The following GHR variants were observed in gnomAD, a reference collection of about 807,000 sequenced individuals.
The protein encoded by GHR is GH receptor.
In GHR, 35 loss-of-function variants were observed where a neutral mutation model predicts 67.1. That is an observed-to-expected ratio of 0.52 (90% CI 0.40 to 0.69). GHR has a LOEUF of 0.69. GHR is among the 30% of genes least tolerant of loss of function. The pLI, the probability that GHR is intolerant of heterozygous loss-of-function variation, is 0.00. For missense variants in GHR, 792 were observed against 764.6 expected, an observed-to-expected ratio of 1.04 and a Z score of -0.42; for synonymous variants, 272 against 269.1, an observed-to-expected ratio of 1.01 and a Z score of -0.10.
chr5:42,608,205 TAAACAATA>T (rs1752720225), intron 2 of GHR, among the ~76,000 whole-genome samples: 1 of 152,216 alleles, frequency 6.6e-6, no homozygotes, highest in Admixed American at 6.5e-5. Context: ...AAATTCTTCT[TAAACAATA>T]AAACAATATA....
intron 1 of GHR, among the ~76,000 whole-genome samples, chr5:42,507,503 C>T (rs780169307): frequency 1.3e-5 from 2 of 152,146 alleles, no homozygotes; most frequent in African/African-American, 4.8e-5. Context: ...TACTCAAGTG[C>T]GATTGTAAAA....
intron 2 of GHR, among the ~76,000 whole-genome samples, chr5:42,627,789 C>T (rs914703819): frequency 2.0e-5 from 3 of 152,238 alleles, no homozygotes; most frequent in Admixed American, 6.5e-5. Context: ...TTGCAGTCCA[C>T]GGACAGCTTG....
rs139776800 is a variant in GHR at position 42,529,981 on chromosome 5, A to G, written c.-11-35883A>G. Among the ~76,000 whole-genome samples the G allele has an allele frequency of 1.5e-3, 232 of 150,484 alleles. 5 individuals are homozygous for G. Among genetic ancestry groups the G allele is most frequent in the East Asian group, 1.2e-3 (6 of 5,120 alleles). On this transcript the variant is annotated intron_variant, in intron 1 of 9. Transcript: ENST00000230882. ...GGGAATAGGAAATGAAAGAGAGTAA[A>G]TCAGAAGTGAATCACTTCTTTTTTT...
intron 1 of GHR, among the ~76,000 whole-genome samples, chr5:42,425,903 AG>A (rs1742833171): frequency 1.3e-5 from 2 of 152,338 alleles, no homozygotes; most frequent in Admixed American, 1.3e-4. Flanking sequence ...TAATGGGCAA[AG>A]GTGTGAAATG....
chr5:42,568,488 CTGATTGTA>C (rs1750081512), intron 2 of GHR, among the ~76,000 whole-genome samples: 1 of 152,154 alleles, frequency 6.6e-6, no homozygotes, highest in African/African-American at 2.4e-5. Flanking sequence ...GACCTATCAA[CTGATTGTA>C]TCAAAATTGC....
chr5:42,495,343 G>C (rs1746276553), intron 1 of GHR, among the ~76,000 whole-genome samples: 1 of 152,042 alleles, frequency 6.6e-6, no homozygotes, highest in Non-Finnish European at 1.5e-5. Context: ...GGTCTGAAGA[G>C]TGAATGTAAC....
intron 2 of GHR, among the ~76,000 whole-genome samples, chr5:42,621,504 A>C (rs1753443011): frequency 6.6e-6 from 1 of 152,172 alleles, no homozygotes; most frequent in Admixed American, 6.6e-5. Flanking sequence ...AAATATGTGA[A>C]GCTTGAAGTT....
rs1758573096 is a variant in GHR at position 42,713,501 on chromosome 5, T to C, written c.857T>C (p.Leu286Ser). 3.5e-6 allele frequency: 5 copies of C among 1,435,166 alleles called. No individual in the cohort carries two copies. Among genetic ancestry groups the C allele is most frequent in the Non-Finnish European group, 3.9e-6 (4 of 1,021,698 alleles). 88.9% of individuals were successfully genotyped at this position (1,435,166 alleles called of 1,614,324 possible). The change falls in exon 8 of 10, where the codon TTA becomes TCA. Residue 286 changes from leucine (L) to serine (S), a missense_variant. By Grantham distance (145) the Leu-to-Ser change is moderately radical. Coordinates refer to ENST00000230882, the MANE Select transcript of GHR (RefSeq NM_000163.5). ...CTAACAGTGATGCTATTTGTATTCT[T>C]ATTTTCTAAACAGCAAAGGTAGGTG... ...FGLTVMLFVF[L>S]FSKQQRIKML... is the part of the protein sequence containing the mutation.
intron 1 of GHR, among the ~76,000 whole-genome samples, chr5:42,520,639 ACT>A (rs1491135637): frequency 3.3e-5 from 5 of 152,158 alleles, no homozygotes; most frequent in Non-Finnish European, 5.9e-5. Context: ...AAGAATGGGT[ACT>A]TTTTTTGTCC....
At chr5:42,642,225 C>A (rs1754513164) in intron 3 of GHR, among the ~76,000 whole-genome samples, 1 of 152,118 alleles carries the variant, frequency 6.6e-6, no homozygotes, top group South Asian at 2.1e-4. Context: ...CTTGTTCAGG[C>A]TGCAGAATGA....
At chr5:42,467,194 G>C in intron 1 of GHR, 3 of 1,581,020 alleles carry the variant, frequency 1.9e-6, no homozygotes, top group Admixed American at 3.4e-5. Flanking sequence ...CTGACTGAAG[G>C]CTTGCCCACA....
At chr5:42,608,447 G>A (rs1752733602) in intron 2 of GHR, among the ~76,000 whole-genome samples, 1 of 151,764 alleles carries the variant, frequency 6.6e-6, no homozygotes, top group African/African-American at 2.4e-5. Flanking sequence ...TAATGAAATA[G>A]CATAGAATGA....
intron 5 of GHR, among the ~76,000 whole-genome samples, chr5:42,696,309 G>A (rs1200167340): frequency 6.6e-6 from 1 of 152,196 alleles, no homozygotes; most frequent in Non-Finnish European, 1.5e-5. Flanking sequence ...AGCGTGATAG[G>A]TGTTAGCCTG....
At chr5:42,670,646 A>T (rs921558976) in intron 3 of GHR, among the ~76,000 whole-genome samples, 1 of 151,940 alleles carries the variant, frequency 6.6e-6, no homozygotes, top group Non-Finnish European at 1.5e-5. Flanking sequence ...ATATTCCAAA[A>T]GGTACAAGGA....
chr5:42,673,847 A>G (rs147275847), intron 3 of GHR, among the ~76,000 whole-genome samples: 1,666 of 152,268 alleles, frequency 0.011, 26 homozygotes, highest in African/African-American at 0.039. Context: ...GATGGGATCA[A>G]TCATACCCCA....
At chr5:42,647,874 G>A (rs1754822476) in intron 3 of GHR, 1 of 247,602 alleles carries the variant, frequency 4.0e-6, no homozygotes, top group Non-Finnish European at 8.1e-6. Flanking sequence ...CACTGGTCCA[G>A]TGGTTCTAGA....
chr5:42,507,915 G>T (rs986104846), intron 1 of GHR, among the ~76,000 whole-genome samples: 4 of 152,214 alleles, frequency 2.6e-5, no homozygotes, highest in African/African-American at 9.6e-5. Context: ...AGCCTGGAGA[G>T]TCAGCCCGCA....
At chr5:42,705,556 A>C (rs914136855) in intron 6 of GHR, among the ~76,000 whole-genome samples, 1 of 151,856 alleles carries the variant, frequency 6.6e-6, no homozygotes, top group Non-Finnish European at 1.5e-5. Flanking sequence ...CCTTCCTTCC[A>C]CCCACTACCC....
At chr5:42,449,941 G>A (rs924516728) in intron 1 of GHR, among the ~76,000 whole-genome samples, 10 of 151,942 alleles carry the variant, frequency 6.6e-5, no homozygotes, top group South Asian at 2.1e-4. Flanking sequence ...TTATTGACTC[G>A]GGTATGGTAA....
Sources: allele counts gnomAD v4.1 joint callset (sites outside exome capture counted in the v4.1 genomes callset), GRCh38; gene constraint gnomAD v4.1.1; transcripts MANE v1.5; gene names NCBI Gene and HGNC (gene_info 2026-07-23, HGNC 2026-07-21).